The following SDK1 variants were observed in gnomAD, a reference collection of about 807,000 sequenced individuals.
SDK1 encodes sidekick cell adhesion molecule 1.
A neutral mutation model predicts 245.5 loss-of-function variants in SDK1; 157 were observed. The observed-to-expected ratio is 0.64, with a 90% CI of 0.56 to 0.73. The LOEUF (loss-of-function observed/expected upper bound fraction) is 0.73. Ranked by LOEUF, SDK1 falls within the 30% of genes least tolerant of loss-of-function variation. The probability of loss-of-function intolerance (pLI) is 0.00; values close to 1 mark genes in which losing one functional copy is unlikely to be tolerated. For synonymous variants in SDK1, 1,647 were observed against 1,278.5 expected, an observed-to-expected ratio of 1.29 and a Z score of -6.15; for missense variants, 3,583 against 3,002.3, an observed-to-expected ratio of 1.19 and a Z score of -4.52.
At position 3,614,199 on chromosome 7, in the gene SDK1, A is replaced by G. The variant is rs556534068; in HGVS notation, c.299-4881A>G. ...TGTCCTTTGGGCAGACCTTAAACCT[A>G]TATTATCCACACAGATGAGACTCTC... is the stretch of plus-strand genomic sequence containing the variant. On this transcript the variant is annotated intron_variant, in intron 1 of 44. Coordinates refer to ENST00000404826, the MANE Select transcript of SDK1 (RefSeq NM_152744.4). Among the ~76,000 whole-genome samples, 13 of 152,274 alleles carry G rather than the reference A, an allele frequency of 8.5e-5. No individual in the cohort carries two copies. In the South Asian group the frequency reaches 1.0e-3, roughly 12 times the overall value.
chr7:3,735,001 G>T (rs1230760951), intron 4 of SDK1, among the ~76,000 whole-genome samples: 1 of 152,034 alleles, frequency 6.6e-6, no homozygotes, highest in Non-Finnish European at 1.5e-5. Context: ...CTCCCCATGG[G>T]TCAGTTAAGA....
chr7:3,479,749 C>T (rs1781455298), intron 1 of SDK1, among the ~76,000 whole-genome samples: 1 of 151,712 alleles, frequency 6.6e-6, no homozygotes, highest in Middle Eastern at 3.4e-3. Flanking sequence ...GTAGTCCTAG[C>T]TACTCAGGAA....
chr7:3,713,801 G>A (rs1188662640), intron 4 of SDK1, among the ~76,000 whole-genome samples: 1 of 152,168 alleles, frequency 6.6e-6, no homozygotes. Flanking sequence ...ATTTGCTAAT[G>A]TTAAGGTATT....
chr7:4,051,226 A>C (rs967012147), intron 18 of SDK1, among the ~76,000 whole-genome samples: 1 of 142,296 alleles, frequency 7.0e-6, no homozygotes, highest in South Asian at 2.1e-4. Flanking sequence ...AACATATACT[A>C]TATATGTTAT....
At chr7:3,787,551 CCTTCTCCTCAATTTCTGTGT>C (rs1780943378) in intron 4 of SDK1, among the ~76,000 whole-genome samples, 1 of 152,080 alleles carries the variant, frequency 6.6e-6, no homozygotes. Flanking sequence ...AAAAAAAATC[CCTTCTCCTCAATTTCTGTGT>C]CTAAGTGATT....
chr7:3,900,756 T>C (rs971526479), intron 5 of SDK1, among the ~76,000 whole-genome samples: 1 of 152,000 alleles, frequency 6.6e-6, no homozygotes, highest in African/African-American at 2.4e-5. Context: ...CCTCTTTCCC[T>C]CTTTGCATGC....
intron 4 of SDK1, among the ~76,000 whole-genome samples, chr7:3,754,601 C>A (rs6957538): frequency 1.3e-5 from 2 of 151,472 alleles, no homozygotes; most frequent in African/African-American, 2.4e-5. Context: ...CTCCTTCCTC[C>A]CATCTCTTCC....
intron 1 of SDK1, among the ~76,000 whole-genome samples, chr7:3,360,845 T>A (rs935552143): frequency 1.3e-5 from 2 of 151,592 alleles, no homozygotes; most frequent in African/African-American, 4.9e-5. Flanking sequence ...TGGGGGGAGT[T>A]ATAATTTAGG....
intron 1 of SDK1, among the ~76,000 whole-genome samples, chr7:3,439,147 C>A (rs1780120312): frequency 6.6e-6 from 1 of 152,138 alleles, no homozygotes; most frequent in African/African-American, 2.4e-5. Flanking sequence ...ATCACCATGC[C>A]CGGCCCCCCT....
At chr7:4,130,188 T>C in intron 27 of SDK1, 91 bp downstream of exon 27, 1 of 1,360,324 alleles carries the variant, frequency 7.4e-7, no homozygotes, top group Non-Finnish European at 9.9e-7. Context: ...CGCTTTTAAC[T>C]TAATTTTCAA....
intron 5 of SDK1, among the ~76,000 whole-genome samples, chr7:3,869,708 G>A (rs914595349): frequency 7.2e-5 from 11 of 152,168 alleles, no homozygotes; most frequent in African/African-American, 1.2e-4. Context: ...TAGATTTTGA[G>A]ATCTCACCTG....
At chr7:3,396,265 C>T (rs545601391) in intron 1 of SDK1, among the ~76,000 whole-genome samples, 17 of 151,708 alleles carry the variant, frequency 1.1e-4, no homozygotes, top group East Asian at 1.9e-4. Context: ...ATACTTTATA[C>T]GATTTTAATC....
intron 1 of SDK1, among the ~76,000 whole-genome samples, chr7:3,446,096 G>C (rs750935566): frequency 5.3e-5 from 8 of 151,800 alleles, no homozygotes; most frequent in African/African-American, 1.9e-4. Flanking sequence ...GTCCTCTTTA[G>C]TTTCTAATGA....
At chr7:4,236,952 G>C (rs985549399) in intron 41 of SDK1, among the ~76,000 whole-genome samples, 8 of 152,136 alleles carry the variant, frequency 5.3e-5, no homozygotes, top group African/African-American at 1.7e-4. Context: ...TGTCACCCAG[G>C]CTGGAGTGCA....
intron 4 of SDK1, among the ~76,000 whole-genome samples, chr7:3,766,070 C>G (rs1208623495): frequency 6.6e-6 from 1 of 152,084 alleles, no homozygotes; most frequent in Non-Finnish European, 1.5e-5. Flanking sequence ...GGCGTTTTCC[C>G]AAGAGATGAC....
At chr7:4,253,308 A>G (rs991740300) in intron 44 of SDK1, among the ~76,000 whole-genome samples, 1 of 152,270 alleles carries the variant, frequency 6.6e-6, no homozygotes, top group Middle Eastern at 3.4e-3. Context: ...GCTGAATCTC[A>G]TAAGTTTTAA....
At position 3,987,250 on chromosome 7, in the gene SDK1, G is replaced by A; in HGVS notation, c.2059G>A (p.Val687Met). ...SPNSSHSHAV[V>M]LSWVRPFDGN... ...TAATTCTTCCCACAGCCACGCCGTG[G>A]TGCTCTCTTGGGTCCGGCCCTTTGA... The change falls in exon 14 of 45, where the codon GTG becomes ATG. Residue 687 changes from valine to methionine, a missense_variant. Coordinates refer to ENST00000404826, the MANE Select transcript of SDK1 (RefSeq NM_152744.4). 2 of 1,614,108 alleles carry A rather than the reference G, an allele frequency of 1.2e-6. No homozygotes were observed. Among genetic ancestry groups the A allele is most frequent in the Non-Finnish European group, 1.7e-6 (2 of 1,179,984 alleles).
intron 1 of SDK1, among the ~76,000 whole-genome samples, chr7:3,379,231 A>C (rs1314556049): frequency 6.6e-6 from 1 of 152,162 alleles, no homozygotes; most frequent in South Asian, 2.1e-4. Flanking sequence ...TGAAGAGAAG[A>C]CCTGTCACGA....
rs148348673 is a variant in SDK1 at position 3,418,303 on chromosome 7, C to T, written c.298+116419C>T. 5.0e-3 allele frequency among the ~76,000 whole-genome samples: 767 copies of T among 152,100 alleles called. 7 individuals carry two copies. Among genetic ancestry groups the T allele is most frequent in the African/African-American group, 0.018 (730 of 41,472 alleles). On this transcript the variant is annotated intron_variant, in intron 1 of 44. Coordinates refer to ENST00000404826, the MANE Select transcript of SDK1 (RefSeq NM_152744.4). ...TTGCACTCCAGCCTGGGCGACAGAG[C>T]GAGACTCCATCTCAGAAACAAACAA... is the stretch of plus-strand genomic sequence containing the variant.
Sources: allele counts gnomAD v4.1 joint callset (sites outside exome capture counted in the v4.1 genomes callset), GRCh38; gene constraint gnomAD v4.1.1; transcripts MANE v1.5; gene names NCBI Gene and HGNC (gene_info 2026-07-23, HGNC 2026-07-21).